The following SLCO3A1 variants were observed in gnomAD, a reference collection of about 807,000 sequenced individuals.
SLCO3A1 encodes solute carrier organic anion transporter family member 3A1, also known as PGE1 transporter.
In SLCO3A1, 27 loss-of-function variants were observed where a neutral mutation model predicts 63.1. The observed-to-expected ratio is 0.43, with a 90% CI of 0.32 to 0.59. SLCO3A1 has a LOEUF of 0.59. SLCO3A1 is among the 20% of genes least tolerant of loss of function. The probability of loss-of-function intolerance (pLI) is 0.09; values close to 1 mark genes in which losing one functional copy is unlikely to be tolerated. For missense variants in SLCO3A1, 773 were observed against 945.8 expected (o/e 0.82, Z 2.40); for synonymous variants, 473 against 409.9 (o/e 1.15, Z -1.86).
intron 1 of SLCO3A1, among the ~76,000 whole-genome samples, chr15:91,895,367 G>A (rs1035856769): frequency 2.0e-4 from 31 of 152,192 alleles, no homozygotes; most frequent in Admixed American, 2.0e-3. Flanking sequence ...AATGAACCAG[G>A]AAAGGAAGTG....
intron 2 of SLCO3A1, among the ~76,000 whole-genome samples, chr15:91,929,277 C>T (rs1010665895): frequency 1.3e-5 from 2 of 152,188 alleles, no homozygotes; most frequent in Admixed American, 6.5e-5. Flanking sequence ...AAGGATTTGA[C>T]GTCCAAGTAG....
intron 2 of SLCO3A1, among the ~76,000 whole-genome samples, chr15:92,078,197 G>A (rs2047301774): frequency 6.6e-6 from 1 of 152,206 alleles, no homozygotes; most frequent in South Asian, 2.1e-4. Context: ...GTGAACACCT[G>A]AGCATGCTAG....
At chr15:92,072,541 T>G (rs989282545) in intron 2 of SLCO3A1, among the ~76,000 whole-genome samples, 1 of 152,228 alleles carries the variant, frequency 6.6e-6, no homozygotes, top group Admixed American at 6.5e-5. Flanking sequence ...AAAAACTGTA[T>G]TTTTGTCCAC....
intron 2 of SLCO3A1, among the ~76,000 whole-genome samples, chr15:91,974,125 C>T (rs989373361): frequency 4.6e-5 from 7 of 151,932 alleles, no homozygotes; most frequent in Admixed American, 2.0e-4. Context: ...AAAAGACTCA[C>T]GGGATGTGGG....
rs201243284 is a variant in SLCO3A1 at position 91,974,262 on chromosome 15, A to ATTGTTG, written c.646+57809_646+57810insGTTGTT. Among the ~76,000 whole-genome samples, 81 of 142,412 alleles carry ATTGTTG rather than the reference A, an allele frequency of 5.7e-4. 1 individual carries two copies. The East Asian group carries it at 6.4e-3, about 11-fold the overall frequency. The allele number at this position is 142,412 out of a possible 152,430, so 93.4% of individuals were successfully genotyped here. On this transcript the variant is annotated intron_variant, in intron 2 of 9. Transcript: ENST00000318445. ...GACCTAAACGGACACCATTTTCATT[A>ATTGTTG]TTGTTATTATTATTATTATTATTAT...
At chr15:91,980,376 G>A (rs2045969541) in intron 2 of SLCO3A1, among the ~76,000 whole-genome samples, 1 of 151,646 alleles carries the variant, frequency 6.6e-6, no homozygotes, top group African/African-American at 2.4e-5. Context: ...CCCCAGTTTT[G>A]AAGATACTGG....
intron 2 of SLCO3A1, among the ~76,000 whole-genome samples, chr15:91,959,503 G>A (rs957449300): frequency 6.6e-6 from 1 of 152,028 alleles, no homozygotes; most frequent in African/African-American, 2.4e-5. Flanking sequence ...GCTGAGGCGG[G>A]CAGATCGCCT....
intron 2 of SLCO3A1, among the ~76,000 whole-genome samples, chr15:91,958,661 G>T (rs899761612): frequency 6.6e-6 from 1 of 152,084 alleles, no homozygotes; most frequent in Non-Finnish European, 1.5e-5. Context: ...GCTTTACCAA[G>T]ATAAAATTCA....
At chr15:92,150,410 A>G (rs763345177) in intron 8 of SLCO3A1, among the ~76,000 whole-genome samples, 1 of 152,166 alleles carries the variant, frequency 6.6e-6, no homozygotes, top group Non-Finnish European at 1.5e-5. Flanking sequence ...TTGCCACTCA[A>G]TATTAACCAT....
chr15:91,868,771 T>C (rs1247909572), intron 1 of SLCO3A1, among the ~76,000 whole-genome samples: 2 of 152,176 alleles, frequency 1.3e-5, no homozygotes, highest in East Asian at 3.9e-4. Flanking sequence ...AGCCCGTGCC[T>C]CTCTGCAGTA....
chr15:92,026,141 G>A (rs2046571487), intron 2 of SLCO3A1, among the ~76,000 whole-genome samples: 1 of 152,172 alleles, frequency 6.6e-6, no homozygotes, highest in South Asian at 2.1e-4. Context: ...GTCACCAAGT[G>A]TAGGGATGGG....
chr15:92,082,259 T>C (rs976909113), intron 2 of SLCO3A1, among the ~76,000 whole-genome samples: 1 of 152,202 alleles, frequency 6.6e-6, no homozygotes, highest in African/African-American at 2.4e-5. Flanking sequence ...TGCAGAATGC[T>C]CCCTCTGAGG....
chr15:92,163,774 T>C lies in SLCO3A1; in HGVS notation c.*639T>C. ...GGCCCCAGAGTTCTCTCAGTGATGC[T>C]AATGGGTGATCCGTGCTGGAGTTTG... On this transcript the variant is annotated 3_prime_UTR_variant, in exon 10 of 10. Coordinates refer to ENST00000318445, the MANE Select transcript of SLCO3A1 (RefSeq NM_013272.4). 1.0e-6 allele frequency: 1 copy of C among 985,456 alleles called. No individual in the cohort carries two copies. Among genetic ancestry groups the C allele is most frequent in the Non-Finnish European group, 1.2e-6 (1 of 830,018 alleles). The allele number at this position is 985,456 out of a possible 1,614,324, so 61.0% of individuals were successfully genotyped here. A position where few individuals can be genotyped will look rare whatever the true frequency, so the allele number is the denominator to read the frequency against.
chr15:91,959,247 G>A (rs750332654), intron 2 of SLCO3A1, among the ~76,000 whole-genome samples: 1 of 152,062 alleles, frequency 6.6e-6, no homozygotes, highest in Non-Finnish European at 1.5e-5. Flanking sequence ...CATATAGAGA[G>A]ATATAATGGA....
intron 2 of SLCO3A1, among the ~76,000 whole-genome samples, chr15:92,060,528 C>G (rs1423592578): frequency 6.6e-6 from 1 of 151,346 alleles, no homozygotes; most frequent in Non-Finnish European, 1.5e-5. Context: ...GAGACGGACT[C>G]TCGCTCTGTC....
chr15:91,885,895 A>G lies in SLCO3A1; in HGVS notation c.181-30098A>G, dbSNP rs1897712091. Among the ~76,000 whole-genome samples, 1 of 152,208 alleles carries G rather than the reference A, an allele frequency of 6.6e-6. No individual in the cohort carries two copies. Among genetic ancestry groups the G allele is most frequent in the Non-Finnish European group, 1.5e-5 (1 of 68,038 alleles). ...CAAGAATGTTTCAGGCAGAGGGACTAGGAAGTGCAAAGGCCCTGGGGTTGA... is the reference window on the plus strand; with the variant it reads ...CAAGAATGTTTCAGGCAGAGGGACTGGGAAGTGCAAAGGCCCTGGGGTTGA... On this transcript the variant is annotated intron_variant, in intron 1 of 9. Coordinates refer to ENST00000318445, the MANE Select transcript of SLCO3A1 (RefSeq NM_013272.4). The surrounding 1 kb of genome is among the most constrained non-coding windows in gnomAD (Gnocchi z 4.7).
intron 1 of SLCO3A1, among the ~76,000 whole-genome samples, chr15:91,904,415 CGTGATA>C (rs759211277): frequency 0.064 from 9,815 of 152,174 alleles, 430 homozygotes; most frequent in Non-Finnish European, 0.098. Context: ...TTTGCAGGTG[CGTGATA>C]CATTGCAAAT....
At chr15:91,979,118 A>C (rs996944448) in intron 2 of SLCO3A1, among the ~76,000 whole-genome samples, 2 of 152,218 alleles carry the variant, frequency 1.3e-5, no homozygotes, top group African/African-American at 2.4e-5. Flanking sequence ...TTTCATCATT[A>C]AGCATCAAGC....
intron 1 of SLCO3A1, chr15:91,889,048 T>TA (rs1897802095): frequency 3.7e-6 from 2 of 547,460 alleles, no homozygotes; most frequent in Admixed American, 5.2e-5. Context: ...AAAAAAAACC[T>TA]ACAATTATTA....
Sources: allele counts gnomAD v4.1 joint callset (sites outside exome capture counted in the v4.1 genomes callset), GRCh38; gene constraint gnomAD v4.1.1; non-coding constraint Gnocchi (gnomAD v3.1); transcripts MANE v1.5; gene names NCBI Gene and HGNC (gene_info 2026-07-23, HGNC 2026-07-21).